Variants in PSAP observed in about 807,000 individuals in gnomAD.
The protein encoded by PSAP is precursor of saposins.
A neutral mutation model predicts 66.0 loss-of-function variants in PSAP; 25 were observed. The observed-to-expected ratio is 0.38, with a 90% CI of 0.28 to 0.53. PSAP has a LOEUF of 0.53. Among genes scored for constraint, PSAP ranks in the 20% least tolerant of loss-of-function variants. PSAP has a pLI of 0.83. For missense variants in PSAP, 649 were observed against 668.8 expected (o/e 0.97, Z 0.33); for synonymous variants, 273 against 258.9 (o/e 1.05, Z -0.52).
intron 3 of PSAP, 139 bp downstream of exon 3, chr10:71,831,707 T>C: frequency 1.2e-6 from 1 of 850,732 alleles, no homozygotes; most frequent in East Asian, 2.4e-5. Flanking sequence ...TAAAATCTTT[T>C]CTCCTTGATC....
chr10:71,832,785 AG>A (rs2133050429), intron 2 of PSAP, among the ~76,000 whole-genome samples: 1 of 152,108 alleles, frequency 6.6e-6, no homozygotes, highest in East Asian at 1.9e-4. Context: ...TGGGAGGCCG[AG>A]GCGGGCAGAT....
intron 7 of PSAP, chr10:71,824,021 G>C: frequency 1.5e-6 from 1 of 651,702 alleles, no homozygotes; most frequent in South Asian, 1.5e-5. Context: ...AAGAGGTTCA[G>C]GGGAAATGCT....
chr10:71,827,140 T>C (rs1255494907), intron 6 of PSAP, among the ~76,000 whole-genome samples: 2 of 152,066 alleles, frequency 1.3e-5, no homozygotes, highest in Admixed American at 1.3e-4. Flanking sequence ...CTCACGCCTG[T>C]AATCCCAGCA....
chr10:71,819,754 C>T lies in PSAP; in HGVS notation c.1152G>A (p.Met384Ile), dbSNP rs1349747668. ...GCCGCGTGCCAGAGCAGAGGTGCAGCATGCTGCACACCAGCTCAGGGCTGA... is the reference window on the plus strand; with the variant it reads ...GCCGCGTGCCAGAGCAGAGGTGCAGTATGCTGCACACCAGCTCAGGGCTGA... ...EEVSPELVCS[M>I]LHLCSGTRLP... The change falls in exon 10 of 14, where the codon ATG becomes ATA. Residue 384 changes from methionine to isoleucine, a missense_variant. Physicochemically the swap from Met to Ile is conservative, Grantham distance 10. Coordinates refer to ENST00000394936, the MANE Select transcript of PSAP (RefSeq NM_002778.4). 3.1e-6 allele frequency: 5 copies of T among 1,613,976 alleles called. No homozygotes were observed. Among genetic ancestry groups the T allele is most frequent in the Non-Finnish European group, 4.2e-6 (5 of 1,180,036 alleles).
chr10:71,825,638 T>C, intron 7 of PSAP, 199 bp downstream of exon 7: 1 of 689,214 alleles, frequency 1.5e-6, no homozygotes, highest in Admixed American at 2.0e-5. Context: ...ATCAAGATGC[T>C]TCAGCCTGCC....
At chr10:71,820,018 C>A in intron 9 of PSAP, 118 bp from the exon 10 acceptor site, 1 of 1,012,316 alleles carries the variant, frequency 9.9e-7, no homozygotes, top group South Asian at 1.3e-5. Flanking sequence ...TTTCCACCCA[C>A]AAAAAACTAC....
At chr10:71,835,760 G>A (rs942375817) in intron 1 of PSAP, among the ~76,000 whole-genome samples, 1 of 147,912 alleles carries the variant, frequency 6.8e-6, no homozygotes, top group Admixed American at 6.8e-5. Flanking sequence ...ACTCCAACAG[G>A]CATCTCAGTA....
intron 6 of PSAP, among the ~76,000 whole-genome samples, chr10:71,827,062 C>T (rs1421159675): frequency 6.6e-6 from 1 of 152,134 alleles, no homozygotes; most frequent in Non-Finnish European, 1.5e-5. Flanking sequence ...AGGAGCACAG[C>T]TGGAATTCTC....
At chr10:71,833,042 A>AAAAAAAAAAAAAAAAAAAAAAAAG (rs1842552155) in intron 2 of PSAP, among the ~76,000 whole-genome samples, 1 of 148,090 alleles carries the variant, frequency 6.8e-6, no homozygotes, top group South Asian at 2.2e-4. Flanking sequence ...CAAAAAACAA[A>AAAAAAAAAAAAAAAAAAAAAAAAG]AACAGAAGGC....
At chr10:71,834,269 A>G in intron 2 of PSAP, 103 bp downstream of exon 2, 1 of 1,574,906 alleles carries the variant, frequency 6.3e-7, no homozygotes, top group Non-Finnish European at 8.6e-7. Flanking sequence ...TAAACAAAAC[A>G]AGGCAAGAAA....
chr10:71,842,671 T>C (rs541994761), intron 1 of PSAP, among the ~76,000 whole-genome samples: 2 of 152,254 alleles, frequency 1.3e-5, no homozygotes, highest in South Asian at 2.1e-4. Context: ...AGAGCCACCA[T>C]GAACATCTAA....
chr10:71,846,247 G>A (rs1343986968), intron 1 of PSAP, among the ~76,000 whole-genome samples: 4 of 152,094 alleles, frequency 2.6e-5, no homozygotes, highest in Admixed American at 2.0e-4. Context: ...TGTCAGCAAT[G>A]AGATAATGTG....
intron 8 of PSAP, among the ~76,000 whole-genome samples, chr10:71,820,948 A>G (rs1165929152): frequency 6.6e-6 from 1 of 152,250 alleles, no homozygotes; most frequent in Non-Finnish European, 1.5e-5. Flanking sequence ...TGGTGTAGCC[A>G]AGGGGCTGAA....
intron 4 of PSAP, among the ~76,000 whole-genome samples, chr10:71,830,637 T>G (rs995587856): frequency 2.0e-5 from 3 of 152,216 alleles, no homozygotes; most frequent in African/African-American, 7.2e-5. Flanking sequence ...TGTCAAGGCC[T>G]TTCCAAATTC....
rs116831177 is a variant in PSAP at position 71,838,196 on chromosome 10, C to A, written c.41-3691G>T. Reference sequence around the variant, plus strand: ...TGGAAGCAGCAAGAGCCAAGAGAGGCTAACACAGAGTCCAAGAGAACAAGA... The same window carrying A: ...TGGAAGCAGCAAGAGCCAAGAGAGGATAACACAGAGTCCAAGAGAACAAGA... On this transcript the variant is annotated intron_variant, in intron 1 of 13. Transcript: ENST00000394936. 6.0e-3 allele frequency among the ~76,000 whole-genome samples: 910 copies of A among 152,340 alleles called. 10 individuals are homozygous for A. The highest frequency in any genetic ancestry group is 0.021 in the African/African-American group (866 of 41,590).
intron 1 of PSAP, among the ~76,000 whole-genome samples, chr10:71,843,310 G>A (rs1016778460): frequency 1.3e-5 from 2 of 152,114 alleles, no homozygotes; most frequent in Non-Finnish European, 2.9e-5. Context: ...AGAGGGGGAG[G>A]AGCTGAGAGG....
rs7911004 is a variant in PSAP, at chr10:71,830,934, C to A, written c.375+192G>T. Among the ~76,000 whole-genome samples, 911 of 152,308 alleles carry A rather than the reference C, an allele frequency of 6.0e-3. 10 individuals are homozygous for A. The highest frequency in any genetic ancestry group is 0.021 in the African/African-American group (866 of 41,566). ...CCCAGCAGCCGCACCCTCGCTAACC[C>A]CAGGGCAAGTTACATACAGAGTGGC... On this transcript the variant is annotated intron_variant, in intron 4 of 13. Transcript: ENST00000394936.
intron 13 of PSAP, 97 bp from the exon 14 acceptor site, chr10:71,817,573 C>G: frequency 8.4e-7 from 1 of 1,194,192 alleles, no homozygotes; most frequent in Non-Finnish European, 1.3e-6. Flanking sequence ...AGGACCTGTT[C>G]TCTTGTCCTA....
At chr10:71,826,766 C>T (rs1391180098) in intron 6 of PSAP, among the ~76,000 whole-genome samples, 1 of 150,638 alleles carries the variant, frequency 6.6e-6, no homozygotes, top group South Asian at 2.1e-4. Context: ...ATGGAGAAGG[C>T]CTCATCTCCT....
Sources: allele counts gnomAD v4.1 joint callset (sites outside exome capture counted in the v4.1 genomes callset), GRCh38; gene constraint gnomAD v4.1.1; transcripts MANE v1.5; gene names NCBI Gene and HGNC (gene_info 2026-07-23, HGNC 2026-07-21).